BTBD8: variants seen among roughly 807,000 people sequenced by gnomAD.
The protein encoded by BTBD8 is BTB domain containing 8, also known as BTB/POZ domain-containing protein 8.
Under a neutral mutation model 162.9 loss-of-function variants are expected in BTBD8, and 110 were observed. The ratio of observed to expected loss-of-function variants is 0.68; its 90% confidence interval spans 0.58 to 0.79. The LOEUF (loss-of-function observed/expected upper bound fraction) is 0.79, where lower values mean the gene tolerates loss of function less well. Among genes scored for constraint, BTBD8 ranks in the 30% least tolerant of loss-of-function variants. The pLI is 0.00. For synonymous variants in BTBD8, 667 were observed against 716.1 expected (o/e 0.93, Z 1.10); for missense variants, 1,905 against 2,085.4 (o/e 0.91, Z 1.68).
chr1:92,177,808 T>C lies in BTBD8; in HGVS notation c.2354-3T>C, dbSNP rs1650765453. 1 of 1,505,308 alleles carries C rather than the reference T, an allele frequency of 6.6e-7. No individual in the cohort carries two copies. The highest frequency in any genetic ancestry group is 1.4e-5 in the African/African-American group (1 of 72,060). 93.2% of individuals were successfully genotyped at this position (1,505,308 alleles called of 1,614,324 possible). Reference sequence around the variant, plus strand: ...TTATGACTCACTTTTTCTTAATTTATAGCCATAAAATCTCGACCTGTTTCA... The same window carrying C: ...TTATGACTCACTTTTTCTTAATTTACAGCCATAAAATCTCGACCTGTTTCA... On this transcript the variant is annotated splice_polypyrimidine_tract_variant and splice_region_variant and intron_variant, in intron 14 of 17. Transcript: ENST00000636805.
At chr1:92,148,519 G>A (rs768722348) in intron 9 of BTBD8, among the ~76,000 whole-genome samples, 1 of 152,154 alleles carries the variant, frequency 6.6e-6, no homozygotes, top group African/African-American at 2.4e-5. Context: ...TGCCCTGTGG[G>A]GCTGGGGGCA....
At chr1:92,145,273 AT>A (rs908692993) in intron 7 of BTBD8, among the ~76,000 whole-genome samples, 1 of 152,114 alleles carries the variant, frequency 6.6e-6, no homozygotes, top group Admixed American at 6.6e-5. Flanking sequence ...CCTACATTCA[AT>A]TTTTTTAATA....
Position 92,182,138 on chromosome 1 carries a change from T to G in BTBD8, c.4455T>G (p.Tyr1485Ter). 1 of 1,551,376 alleles carries G rather than the reference T, an allele frequency of 6.4e-7. No homozygotes were observed. Among genetic ancestry groups the G allele is most frequent in the South Asian group, 1.2e-5 (1 of 84,034 alleles). The change falls in exon 17 of 18, where the codon TAT becomes TAG. Residue 1485 changes from tyrosine to a stop codon, truncating the protein, a stop_gained. Coordinates refer to ENST00000636805, the MANE Select transcript of BTBD8 (RefSeq NM_001376131.1). LOFTEE classifies it high-confidence loss of function. ...ATGAACATCATGGAAGGACCTGCTATTCCAGATTCTCACGAGAAAGTGAAG... is the reference window on the plus strand; with the variant it reads ...ATGAACATCATGGAAGGACCTGCTAGTCCAGATTCTCACGAGAAAGTGAAG... ...ISHEHHGRTC[Y>*]SRFSRESEDN...
intron 14 of BTBD8, 55 bp downstream of exon 14, chr1:92,177,601 A>G (rs1056014172): frequency 7.3e-6 from 9 of 1,233,216 alleles, no homozygotes; most frequent in Non-Finnish European, 8.9e-6. Flanking sequence ...TTTCCTTCAA[A>G]AAACAAAAAC....
intron 6 of BTBD8, 58 bp downstream of exon 6, chr1:92,139,488 G>A: frequency 1.3e-6 from 2 of 1,569,440 alleles, no homozygotes; most frequent in African/African-American, 1.4e-5. Flanking sequence ...GCTTTGTTGA[G>A]CTGTGTTGCA....
rs540014199 is a variant in BTBD8 at position 92,102,299 on chromosome 1, G to A, written c.348-174G>A. On this transcript the variant is annotated intron_variant, in intron 2 of 17. Coordinates refer to ENST00000636805, the MANE Select transcript of BTBD8 (RefSeq NM_001376131.1). The stretch of plus-strand genomic sequence containing the variant: ...CTCCCAAAGTGCTGGGATTACAGGT[G>A]TGAACCACCATGCCCAGCTGGCTTC... Among the ~76,000 whole-genome samples the A allele has an allele frequency of 2.0e-5, 3 of 152,250 alleles. No homozygotes were observed. In the South Asian group the frequency reaches 6.2e-4, roughly 32 times the overall value.
Position 92,177,102 on chromosome 1 carries a change from G to A in BTBD8, c.1909G>A (p.Val637Ile), listed in dbSNP as rs1382252135. ...GKNVSGKPKT[V>I]TKSKTENGDK... ...AAATGTTTCTGGAAAGCCCAAAACT[G>A]TAACAAAATCCAAAACAGAAAATGG... Residue 637 changes from valine (V) to isoleucine (I), a missense_variant, in exon 14 of 18, where the codon GTA becomes ATA. This residue lies in a region of BTBD8 where 1,374 missense variants were observed against 1,442.7 expected (regional missense o/e 0.95). Transcript: ENST00000636805. The A allele has an allele frequency of 2.6e-6, 4 of 1,551,682 alleles. No individual in the cohort carries two copies. Among genetic ancestry groups the A allele is most frequent in the Non-Finnish European group, 3.5e-6 (4 of 1,146,992 alleles).
intron 2 of BTBD8, among the ~76,000 whole-genome samples, chr1:92,090,784 T>G (rs373816764): frequency 2.0e-5 from 3 of 152,008 alleles, no homozygotes; most frequent in East Asian, 1.9e-4. Flanking sequence ...ACGAAAAAAT[T>G]AGCCGGGCAT....
At chr1:92,093,322 A>G (rs1648364329) in intron 2 of BTBD8, among the ~76,000 whole-genome samples, 1 of 150,668 alleles carries the variant, frequency 6.6e-6, no homozygotes, top group African/African-American at 2.4e-5. Context: ...CCTCTTGAGT[A>G]GCTGGGATTA....
chr1:92,129,506 A>C (rs1045783436), intron 4 of BTBD8, among the ~76,000 whole-genome samples, 181 bp from the exon 5 acceptor site: 5 of 152,178 alleles, frequency 3.3e-5, no homozygotes, highest in African/African-American at 1.2e-4. Flanking sequence ...AAACAAAAAA[A>C]AAACCCTTAG....
At chr1:92,174,460 A>T (rs1480167760) in intron 13 of BTBD8, among the ~76,000 whole-genome samples, 2 of 152,144 alleles carry the variant, frequency 1.3e-5, no homozygotes, top group Admixed American at 1.3e-4. Context: ...GAAATTTTTC[A>T]AGGCATACAG....
intron 5 of BTBD8, among the ~76,000 whole-genome samples, chr1:92,133,206 C>G (rs1270037970): frequency 3.9e-5 from 6 of 152,078 alleles, no homozygotes; most frequent in Non-Finnish European, 7.4e-5. Context: ...GATCATAAAC[C>G]TTGGTGTCCT....
In BTBD8 at chr1:92,108,002, GTAAA is replaced by G. The variant is rs1162261758; in HGVS notation, c.662+4_662+7del. The G allele has an allele frequency of 6.2e-7, 1 of 1,606,836 alleles. No homozygotes were observed. Among genetic ancestry groups the G allele is most frequent in the Non-Finnish European group, 8.5e-7 (1 of 1,173,688 alleles). On this transcript the variant is annotated splice_donor_variant and splice_donor_5th_base_variant and intron_variant, in intron 4 of 17. Transcript: ENST00000636805. LOFTEE classifies it high-confidence loss of function. ...ATGGAAAACGTTTTAAAGCTCACAGGTAAATAGACACGACTGATTTGCTGTCTTG... is the reference window on the plus strand; with the variant it reads ...ATGGAAAACGTTTTAAAGCTCACAGGTAGACACGACTGATTTGCTGTCTTG...
chr1:92,083,518 TAATA>T (rs554870631), intron 1 of BTBD8, among the ~76,000 whole-genome samples: 372 of 152,190 alleles, frequency 2.4e-3, no homozygotes, highest in Non-Finnish European at 4.2e-3. Context: ...CACATATAAG[TAATA>T]AATAAATTTG....
rs187756724 is a variant in BTBD8, at chr1:92,127,807, C to T, written c.663-1880C>T. On this transcript the variant is annotated intron_variant, in intron 4 of 17. Transcript: ENST00000636805. ...AACTGCTGACTTCAAGTGATCCGCCCGCCATGGCCTCCCAAAGTGTTGGGA... is the reference window on the plus strand; with the variant it reads ...AACTGCTGACTTCAAGTGATCCGCCTGCCATGGCCTCCCAAAGTGTTGGGA... 2.4e-3 allele frequency among the ~76,000 whole-genome samples: 370 copies of T among 152,014 alleles called. 5 individuals carry two copies. Among genetic ancestry groups the T allele is most frequent in the Middle Eastern group, 0.01 (3 of 294 alleles).
chr1:92,168,970 A>G lies in BTBD8; in HGVS notation c.1548A>G (p.Thr516=). 6.5e-7 allele frequency: 1 copy of G among 1,536,194 alleles called. No individual in the cohort carries two copies. Among genetic ancestry groups the G allele is most frequent in the Non-Finnish European group, 8.8e-7 (1 of 1,135,462 alleles). Residue 516 remains threonine, a synonymous_variant, in exon 12 of 18, where the codon ACA becomes ACG. Coordinates refer to ENST00000636805, the MANE Select transcript of BTBD8 (RefSeq NM_001376131.1). ...RHTESWKLMS[T]DDQQKIQAAA... is the part of the protein sequence containing the mutation. ...CAGAAAGCTGGAAGCTGATGAGCAC[A>G]GATGATCAACAGAAAATCCAAGCAG...
intron 16 of BTBD8, among the ~76,000 whole-genome samples, chr1:92,179,171 G>A (rs1011948326): frequency 1.3e-5 from 2 of 151,802 alleles, no homozygotes; most frequent in African/African-American, 4.8e-5. Context: ...GCTTGAACCT[G>A]GGAGGCGGAG....
chr1:92,102,435 A>G (rs754512994), intron 2 of BTBD8, 38 bp from the exon 3 acceptor site: 2 of 1,241,842 alleles, frequency 1.6e-6, no homozygotes, highest in Non-Finnish European at 2.1e-6. Flanking sequence ...AAGAATCACC[A>G]ATGTTATTTT....
Position 92,180,878 on chromosome 1 carries a change from C to A in BTBD8, c.3195C>A (p.Cys1065Ter). 6.4e-7 allele frequency: 1 copy of A among 1,551,606 alleles called. No homozygotes were observed. The highest frequency in any genetic ancestry group is 8.7e-7 in the Non-Finnish European group (1 of 1,146,952). ...KFPNHKETDD[C>*]DAANICCHSV... ...CCAATCACAAAGAAACAGATGATTGCGATGCAGCTAACATATGTTGTCATT... is the reference window on the plus strand; with the variant it reads ...CCAATCACAAAGAAACAGATGATTGAGATGCAGCTAACATATGTTGTCATT... The change falls in exon 17 of 18, where the codon TGC (cysteine) becomes TGA (stop). Residue 1065 changes from cysteine to a stop codon, truncating the protein, a stop_gained. Coordinates refer to ENST00000636805, the MANE Select transcript of BTBD8 (RefSeq NM_001376131.1). LOFTEE classifies it high-confidence loss of function.
Sources: allele counts gnomAD v4.1 joint callset (sites outside exome capture counted in the v4.1 genomes callset), GRCh38; gene constraint gnomAD v4.1.1; regional missense constraint gnomAD v4.1.1; transcripts MANE v1.5; gene names NCBI Gene and HGNC (gene_info 2026-07-23, HGNC 2026-07-21).